The following GRIP1 variants were observed in gnomAD, a reference collection of about 807,000 sequenced individuals.
GRIP1 encodes the protein glutamate receptor interacting protein 1, also known as glutamate receptor-interacting protein 1.
GRIP1 carries 45 observed loss-of-function variants against 129.9 expected under a neutral mutation model. That is an observed-to-expected ratio of 0.35 (90% CI 0.27 to 0.44). The LOEUF is 0.44. GRIP1 is among the 20% of genes least tolerant of loss of function. GRIP1 has a pLI of 1.00. For synonymous variants in GRIP1, 530 were observed against 520.8 expected (o/e 1.02, Z -0.24); for missense variants, 1,196 against 1,396.8 (o/e 0.86, Z 2.29).
At chr12:67,014,851 T>C (rs2042762065) in intron 1 of GRIP1, among the ~76,000 whole-genome samples, 1 of 152,182 alleles carries the variant, frequency 6.6e-6, no homozygotes, top group African/African-American at 2.4e-5. Flanking sequence ...TTCAGAAAAG[T>C]TGCAGTCAGA....
chr12:67,016,436 T>C (rs529971907), intron 1 of GRIP1, among the ~76,000 whole-genome samples: 4 of 152,342 alleles, frequency 2.6e-5, no homozygotes, highest in Admixed American at 1.3e-4. Context: ...TTTTCATATG[T>C]ATTCAATTTG....
intron 1 of GRIP1, among the ~76,000 whole-genome samples, chr12:67,022,540 T>C (rs2042883147): frequency 6.6e-6 from 1 of 152,206 alleles, no homozygotes; most frequent in Non-Finnish European, 1.5e-5. Context: ...TGTACCATTT[T>C]ACATTCCCAT....
intron 2 of GRIP1, among the ~76,000 whole-genome samples, chr12:66,573,266 T>G (rs1473506219): frequency 6.6e-6 from 1 of 151,678 alleles, no homozygotes; most frequent in East Asian, 1.9e-4. Context: ...CGCCTGGGAG[T>G]AGATCCTCTC....
intron 1 of GRIP1, among the ~76,000 whole-genome samples, chr12:66,667,542 G>A (rs1323692789): frequency 6.6e-6 from 1 of 152,130 alleles, no homozygotes; most frequent in Admixed American, 6.5e-5. Flanking sequence ...TAGCTGGTGT[G>A]AGTTATAGCA....
At chr12:66,728,859 C>T (rs192917965) in intron 1 of GRIP1, among the ~76,000 whole-genome samples, 10 of 152,184 alleles carry the variant, frequency 6.6e-5, no homozygotes, top group South Asian at 4.2e-4. Flanking sequence ...CCCACAGAAT[C>T]GCAGCATACA....
intron 1 of GRIP1, chr12:67,069,006 C>G (rs1045558034): frequency 2.2e-6 from 2 of 897,134 alleles, no homozygotes; most frequent in Non-Finnish European, 2.7e-6. Flanking sequence ...GCGGCCCCGG[C>G]CCGGACCCCT....
At chr12:66,789,013 GC>G (rs1287435372) in intron 1 of GRIP1, among the ~76,000 whole-genome samples, 1 of 152,090 alleles carries the variant, frequency 6.6e-6, no homozygotes, top group Non-Finnish European at 1.5e-5. Context: ...CTTATCCTTT[GC>G]CTTTGTGTTA....
intron 1 of GRIP1, among the ~76,000 whole-genome samples, chr12:66,746,947 A>G (rs2036967061): frequency 6.6e-6 from 1 of 152,248 alleles, no homozygotes; most frequent in Non-Finnish European, 1.5e-5. Context: ...GAATCCATTT[A>G]TGGGCAAAAT....
chr12:66,941,500 T>G (rs7955073), intron 1 of GRIP1, among the ~76,000 whole-genome samples: 11,625 of 152,252 alleles, frequency 0.076, 441 homozygotes, highest in South Asian at 0.092. Context: ...AATGTTGTGC[T>G]TTGGTCCTGA....
intron 2 of GRIP1, among the ~76,000 whole-genome samples, chr12:66,554,775 T>C (rs559124419): frequency 7.9e-5 from 12 of 152,126 alleles, no homozygotes; most frequent in African/African-American, 2.9e-4. Flanking sequence ...CATGGCACAC[T>C]GGAGGTGGTG....
At chr12:66,964,704 A>G (rs987670068) in intron 1 of GRIP1, among the ~76,000 whole-genome samples, 2 of 152,188 alleles carry the variant, frequency 1.3e-5, no homozygotes, top group South Asian at 4.1e-4. Context: ...CGATTATGTG[A>G]TAGGTATTTG....
At chr12:66,598,939 A>C (rs1300527557) in intron 1 of GRIP1, among the ~76,000 whole-genome samples, 1 of 152,224 alleles carries the variant, frequency 6.6e-6, no homozygotes, top group African/African-American at 2.4e-5. Context: ...GGTTATCTGC[A>C]CTTGATGCTC....
intron 3 of GRIP1, among the ~76,000 whole-genome samples, chr12:66,539,558 T>TTTTTTTTTTTTC: frequency 1.4e-5 from 2 of 146,894 alleles, no homozygotes; most frequent in African/African-American, 2.5e-5. Flanking sequence ...TTTTTTTTTT[T>TTTTTTTTTTTTC]TTTTTTTTTT....
At position 66,911,571 on chromosome 12, in the gene GRIP1, C is replaced by T. The variant is rs564021639; in HGVS notation, c.58+157479G>A. On this transcript the variant is annotated intron_variant, in intron 1 of 1. Transcript: ENST00000643019. Reference sequence around the variant, plus strand: ...AGAAGGTTTGAAGAAATGACTCCTACTATGTGAGAGCTTTATTTGGGATAA... The same window carrying T: ...AGAAGGTTTGAAGAAATGACTCCTATTATGTGAGAGCTTTATTTGGGATAA... Among the ~76,000 whole-genome samples, 30 of 152,176 alleles carry T rather than the reference C, an allele frequency of 2.0e-4. No individual in the cohort carries two copies. The South Asian group carries it at 6.0e-3, about 30-fold the overall frequency.
chr12:66,350,072 C>T (rs746636164), intron 24 of GRIP1, among the ~76,000 whole-genome samples: 12 of 152,008 alleles, frequency 7.9e-5, no homozygotes, highest in Non-Finnish European at 1.3e-4. Context: ...TAGCATTTGC[C>T]GCTCGTGACA....
At chr12:66,479,393 C>T (rs1330131626) in intron 7 of GRIP1, among the ~76,000 whole-genome samples, 1 of 152,060 alleles carries the variant, frequency 6.6e-6, no homozygotes, top group Non-Finnish European at 1.5e-5. Context: ...CCTGAATAGG[C>T]CAATAACAAG....
At chr12:66,928,085 C>G (rs1181855112) in intron 1 of GRIP1, among the ~76,000 whole-genome samples, 1 of 152,202 alleles carries the variant, frequency 6.6e-6, no homozygotes, top group Admixed American at 6.5e-5. Flanking sequence ...AAGGCACTGT[C>G]TGCGCTCCGG....
chr12:66,924,949 G>A (rs190708644), intron 1 of GRIP1, among the ~76,000 whole-genome samples: 1 of 152,270 alleles, frequency 6.6e-6, no homozygotes, highest in Non-Finnish European at 1.5e-5. Context: ...TAGCCTGGGC[G>A]ACAGAGCGAG....
intron 23 of GRIP1, among the ~76,000 whole-genome samples, chr12:66,362,921 A>G (rs2054863812): frequency 6.6e-6 from 1 of 151,698 alleles, no homozygotes; most frequent in South Asian, 2.1e-4. Context: ...TAGAAAAGTG[A>G]TAAGATACAA....
Sources: gnomAD v4.1 joint callset for allele counts (sites outside exome capture counted in the v4.1 genomes callset) on GRCh38, gnomAD v4.1.1 for gene constraint, MANE v1.5 for transcripts, NCBI Gene and HGNC (gene_info 2026-07-23, HGNC 2026-07-21) for gene names.